CREB3L2: variants seen among roughly 807,000 people sequenced by gnomAD.
CREB3L2 encodes the protein cyclic AMP-responsive element-binding protein 3-like protein 2.
A neutral mutation model predicts 57.2 loss-of-function variants in CREB3L2; 23 were observed. The observed-to-expected ratio is 0.40, with a 90% CI of 0.29 to 0.57. CREB3L2 has a LOEUF of 0.57. Ranked by LOEUF, CREB3L2 falls within the 20% of genes least tolerant of loss-of-function variation. The probability of loss-of-function intolerance (pLI) is 0.42; values close to 1 mark genes in which losing one functional copy is unlikely to be tolerated. For missense variants in CREB3L2, 628 were observed against 634.7 expected (o/e 0.99, Z 0.11); for synonymous variants, 268 against 265.1 (o/e 1.01, Z -0.11).
chr7:137,883,509 T>C (rs1260752950), intron 10 of CREB3L2, among the ~76,000 whole-genome samples: 1 of 152,222 alleles, frequency 6.6e-6, no homozygotes, highest in Non-Finnish European at 1.5e-5. Flanking sequence ...CATGTAGGGT[T>C]CATATGCCTT....
chr7:137,999,397 C>CACACAA (rs896195535), intron 1 of CREB3L2, among the ~76,000 whole-genome samples: 2 of 151,698 alleles, frequency 1.3e-5, no homozygotes, highest in African/African-American at 4.8e-5. Context: ...CACACACACA[C>CACACAA]ACACACACAC....
At chr7:137,985,669 T>C (rs1801780470) in intron 1 of CREB3L2, among the ~76,000 whole-genome samples, 1 of 152,164 alleles carries the variant, frequency 6.6e-6, no homozygotes, top group African/African-American at 2.4e-5. Flanking sequence ...GACAGGGACA[T>C]GGAACAAGCC....
chr7:137,950,047 T>A (rs1801067397), intron 1 of CREB3L2, among the ~76,000 whole-genome samples: 1 of 152,156 alleles, frequency 6.6e-6, no homozygotes, highest in Non-Finnish European at 1.5e-5. Flanking sequence ...ATTAGACCAA[T>A]GAGAAAATGC....
chr7:137,956,494 A>T (rs566266493), intron 1 of CREB3L2: 223 of 560,772 alleles, frequency 4.0e-4, no homozygotes, highest in Non-Finnish European at 5.4e-4. Flanking sequence ...TTCTAAATCA[A>T]ATCTGAGCTC....
intron 1 of CREB3L2, among the ~76,000 whole-genome samples, chr7:137,976,334 C>T (rs1281391749): frequency 6.6e-6 from 1 of 152,210 alleles, no homozygotes; most frequent in Non-Finnish European, 1.5e-5. Context: ...CCTTGGGTGG[C>T]ATCGGCCCCA....
chr7:137,997,305 CTT>C (rs1462764549), intron 1 of CREB3L2, among the ~76,000 whole-genome samples: 2 of 152,212 alleles, frequency 1.3e-5, no homozygotes, highest in Non-Finnish European at 1.5e-5. Context: ...CCCTTCATCT[CTT>C]GACTTCCACT....
At chr7:137,969,846 A>G (rs562384627) in intron 1 of CREB3L2, among the ~76,000 whole-genome samples, 64 of 152,026 alleles carry the variant, frequency 4.2e-4, no homozygotes, top group African/African-American at 1.4e-3. Flanking sequence ...GTAAAATATT[A>G]GCAACTGATG....
At chr7:137,936,148 C>T (rs1364979955) in intron 1 of CREB3L2, among the ~76,000 whole-genome samples, 1 of 152,144 alleles carries the variant, frequency 6.6e-6, no homozygotes, top group Non-Finnish European at 1.5e-5. Context: ...ACAGTGGGAG[C>T]ATGGGCAGAA....
intron 1 of CREB3L2, among the ~76,000 whole-genome samples, chr7:137,961,661 A>G (rs1024934722): frequency 6.6e-6 from 1 of 152,036 alleles, no homozygotes; most frequent in African/African-American, 2.4e-5. Flanking sequence ...ACAGTCCTCT[A>G]TCTTTCTCTC....
At chr7:137,997,251 A>G (rs567852349) in intron 1 of CREB3L2, among the ~76,000 whole-genome samples, 77 of 152,310 alleles carry the variant, frequency 5.1e-4, no homozygotes, top group African/African-American at 1.7e-3. Flanking sequence ...GTGACGAGGT[A>G]AAAATCTGAA....
chr7:137,911,986 G>C (rs1800015238), intron 4 of CREB3L2, among the ~76,000 whole-genome samples: 1 of 152,166 alleles, frequency 6.6e-6, no homozygotes, highest in Non-Finnish European at 1.5e-5. Context: ...TGAGGCTCAG[G>C]GGTCTGCATC....
intron 1 of CREB3L2, among the ~76,000 whole-genome samples, chr7:137,983,732 T>G (rs551525151): frequency 1.7e-3 from 252 of 152,290 alleles, no homozygotes; most frequent in African/African-American, 5.4e-3. Flanking sequence ...CTGCTTTACC[T>G]CTCCCCTGTG....
At chr7:137,927,401 A>AGGAAGGGAAG (rs147018896) in intron 2 of CREB3L2, among the ~76,000 whole-genome samples, 3 of 136,654 alleles carry the variant, frequency 2.2e-5, no homozygotes, top group Admixed American at 1.5e-4. Context: ...GAAGGAGGGA[A>AGGAAGGGAAG]GGAAGGGAAG....
chr7:137,940,359 A>T (rs1800861613), intron 1 of CREB3L2, among the ~76,000 whole-genome samples: 1 of 152,238 alleles, frequency 6.6e-6, no homozygotes, highest in Non-Finnish European at 1.5e-5. Flanking sequence ...CTACCCTAAA[A>T]GAATACAATC....
intron 1 of CREB3L2, among the ~76,000 whole-genome samples, chr7:137,931,052 T>C (rs1016051675): frequency 1.3e-5 from 2 of 151,448 alleles, no homozygotes; most frequent in African/African-American, 4.9e-5. Flanking sequence ...GGCAACATAG[T>C]GAGACACAGT....
rs2078094345 is a variant in CREB3L2, at chr7:137,889,511, T to C, written c.1044-4009A>G. On this transcript the variant is annotated intron_variant, in intron 8 of 11. Transcript: ENST00000330387. ...TTCTAACAGTTTATAATCTAACTCT[T>C]TAAGATGAGCAAACATGTGTTTTAA... Among the ~76,000 whole-genome samples the C allele has an allele frequency of 5.3e-5, 8 of 152,370 alleles. No homozygotes were observed. In the South Asian group the frequency reaches 1.7e-3, roughly 32 times the overall value.
At chr7:137,918,833 C>T (rs1039797320) in intron 2 of CREB3L2, among the ~76,000 whole-genome samples, 1 of 152,108 alleles carries the variant, frequency 6.6e-6, no homozygotes, top group East Asian at 1.9e-4. Context: ...TCAAAGTGTG[C>T]ACATTCGTAA....
At chr7:137,970,818 T>C (rs534553751) in intron 1 of CREB3L2, among the ~76,000 whole-genome samples, 1 of 152,216 alleles carries the variant, frequency 6.6e-6, no homozygotes, top group African/African-American at 2.4e-5. Flanking sequence ...TATCCTCCAC[T>C]AAAAAGAATG....
chr7:137,922,370 C>CTA (rs201270472), intron 2 of CREB3L2, among the ~76,000 whole-genome samples: 1,314 of 100,580 alleles, frequency 0.013, 45 homozygotes, highest in African/African-American at 0.036. Context: ...TTCTGGTTTA[C>CTA]TATATATATA....
Sources: gnomAD v4.1 joint callset for allele counts (sites outside exome capture counted in the v4.1 genomes callset) on GRCh38, gnomAD v4.1.1 for gene constraint, MANE v1.5 for transcripts, NCBI Gene and HGNC (gene_info 2026-07-23, HGNC 2026-07-21) for gene names.